LRRC49: variants seen among roughly 807,000 people sequenced by gnomAD.
LRRC49 encodes the protein leucine rich repeat containing 49.
A neutral mutation model predicts 83.3 loss-of-function variants in LRRC49; 50 were observed. The ratio of observed to expected loss-of-function variants is 0.60; its 90% CI spans 0.48 to 0.76. The LOEUF is 0.76. LRRC49 is among the 30% of genes least tolerant of loss of function. The pLI, the probability that LRRC49 is intolerant of heterozygous loss-of-function variation, is 0.00. For synonymous variants in LRRC49, 286 were observed against 283.3 expected, an observed-to-expected ratio of 1.01 and a Z score of -0.10; for missense variants, 704 against 809.1, an observed-to-expected ratio of 0.87 and a Z score of 1.58.
chr15:70,994,455 AT>A (rs1236549915), intron 11 of LRRC49, among the ~76,000 whole-genome samples: 1 of 151,130 alleles, frequency 6.6e-6, no homozygotes, highest in East Asian at 1.9e-4. Flanking sequence ...CTATTCTTCC[AT>A]ATGAGCTTTA....
At chr15:70,880,231 C>T (rs1202677547) in intron 2 of LRRC49, among the ~76,000 whole-genome samples, 1 of 152,168 alleles carries the variant, frequency 6.6e-6, no homozygotes. Flanking sequence ...TAAAACAGCT[C>T]AACAAACCTC....
At chr15:70,897,780 G>T (rs2033898760) in intron 3 of LRRC49, among the ~76,000 whole-genome samples, 1 of 152,166 alleles carries the variant, frequency 6.6e-6, no homozygotes, top group African/African-American at 2.4e-5. Context: ...AACTTGATAT[G>T]TGATTTCTTT....
intron 15 of LRRC49, among the ~76,000 whole-genome samples, chr15:71,040,309 G>A (rs1167107386): frequency 6.6e-6 from 1 of 152,082 alleles, no homozygotes; most frequent in Non-Finnish European, 1.5e-5. Flanking sequence ...TCTAACTAAG[G>A]TGGCCTCTGT....
upstream of LRRC49, among the ~76,000 whole-genome samples, chr15:70,891,587 G>C (rs1053583187): frequency 7.3e-6 from 1 of 137,024 alleles, no homozygotes; most frequent in Non-Finnish European, 1.6e-5. Flanking sequence ...GTGTGTGTGT[G>C]TGTGTGTGTG....
chr15:70,854,022 G>A, intron 1 of LRRC49: 1 of 1,455,142 alleles, frequency 6.9e-7, no homozygotes, highest in Admixed American at 2.4e-5. Context: ...TCGGCCTCCT[G>A]GATGGCGACG....
chr15:70,920,670 T>A (rs2034974056), intron 7 of LRRC49, among the ~76,000 whole-genome samples: 1 of 152,226 alleles, frequency 6.6e-6, no homozygotes, highest in Admixed American at 6.5e-5. Context: ...GAATTTCCCG[T>A]TGAGTATTAT....
At chr15:70,870,745 C>T (rs1004473823) in intron 1 of LRRC49, among the ~76,000 whole-genome samples, 1 of 152,098 alleles carries the variant, frequency 6.6e-6, no homozygotes, top group African/African-American at 2.4e-5. Context: ...CCGCCTAGGC[C>T]GCCCAAAGTG....
rs552837039 is a variant in LRRC49, at chr15:70,970,447, G to T, written c.921+6515G>T. Among the ~76,000 whole-genome samples, 112 of 151,920 alleles carry T rather than the reference G, an allele frequency of 7.4e-4. 1 individual carries two copies. Among genetic ancestry groups the T allele is most frequent in the African/African-American group, 2.6e-3 (109 of 41,480 alleles). On this transcript the variant is annotated intron_variant, in intron 9 of 15. Transcript: ENST00000260382. ...TACTGGCCTGAAATTTTCTTTTTTT[G>T]TTGTTGTTGTGTCTCTGCCAGGATT...
intron 8 of LRRC49, among the ~76,000 whole-genome samples, chr15:70,950,640 T>G (rs996679616): frequency 1.3e-5 from 2 of 152,204 alleles, no homozygotes; most frequent in African/African-American, 4.8e-5. Context: ...TTCAAGTTTT[T>G]TATAAATTCT....
chr15:70,956,916 G>T (rs1205339339), intron 8 of LRRC49, among the ~76,000 whole-genome samples: 2 of 152,190 alleles, frequency 1.3e-5, no homozygotes, highest in Non-Finnish European at 2.9e-5. Context: ...GATAGTACTT[G>T]CTGAGGACTG....
intron 15 of LRRC49, among the ~76,000 whole-genome samples, chr15:71,039,759 T>C (rs1442411554): frequency 1.3e-5 from 2 of 152,192 alleles, no homozygotes; most frequent in African/African-American, 2.4e-5. Flanking sequence ...AATCTAAACA[T>C]GCCAATTTAC....
chr15:70,868,850 TG>T (rs2032966547), intron 1 of LRRC49, among the ~76,000 whole-genome samples: 1 of 152,256 alleles, frequency 6.6e-6, no homozygotes, highest in African/African-American at 2.4e-5. Context: ...CTAATCATTG[TG>T]GGTGGTAGTA....
chr15:71,005,634 G>T (rs537490110), intron 11 of LRRC49, among the ~76,000 whole-genome samples: 62 of 152,226 alleles, frequency 4.1e-4, no homozygotes, highest in African/African-American at 1.3e-3. Context: ...CAATAATTTT[G>T]CTATATCCAG....
At chr15:70,892,995 G>C in intron 1 of LRRC49, 53 bp downstream of exon 1, 7 of 1,594,034 alleles carry the variant, frequency 4.4e-6, no homozygotes, top group Non-Finnish European at 6.0e-6. Context: ...CTTTCTGACT[G>C]GCGTCTTTGT....
intron 2 of LRRC49, chr15:70,882,719 G>A (rs2033295848): frequency 6.2e-7 from 1 of 1,612,666 alleles, no homozygotes; most frequent in African/African-American, 1.3e-5. Flanking sequence ...ATATACGAAA[G>A]ATCAATTCAA....
chr15:70,883,567 TCTTTATA>T (rs1453347508), intron 2 of LRRC49, among the ~76,000 whole-genome samples: 1 of 152,162 alleles, frequency 6.6e-6, no homozygotes, highest in Non-Finnish European at 1.5e-5. Flanking sequence ...AATCATTTGT[TCTTTATA>T]CTTTATAGAA....
At chr15:70,926,680 C>T (rs762977053) in intron 7 of LRRC49, among the ~76,000 whole-genome samples, 48 of 152,016 alleles carry the variant, frequency 3.2e-4, no homozygotes, top group Non-Finnish European at 5.9e-4. Flanking sequence ...CCCCCCACCC[C>T]ACAACAGGCC....
At position 70,980,096 on chromosome 15, in the gene LRRC49, T is replaced by C; in HGVS notation, c.922-5T>C. 1 of 1,597,692 alleles carries C rather than the reference T, an allele frequency of 6.3e-7. No homozygotes were observed. The highest frequency in any genetic ancestry group is 8.5e-7 in the Non-Finnish European group (1 of 1,170,434). ...TCATAATACTTTTCGGAAAATGTCT[T>C]TTAGGAAGAAGAAAGGCGTATGGCA... On this transcript the variant is annotated splice_region_variant and splice_polypyrimidine_tract_variant and intron_variant, in intron 9 of 15. Transcript: ENST00000260382.
chr15:70,998,278 T>C (rs1444901518), intron 11 of LRRC49, among the ~76,000 whole-genome samples: 1 of 152,232 alleles, frequency 6.6e-6, no homozygotes, highest in Non-Finnish European at 1.5e-5. Flanking sequence ...CCTTTCTTGA[T>C]GTTATTTCTT....
Sources: allele counts gnomAD v4.1 joint callset (sites outside exome capture counted in the v4.1 genomes callset), GRCh38; gene constraint gnomAD v4.1.1; transcripts MANE v1.5; gene names NCBI Gene and HGNC (gene_info 2026-07-23, HGNC 2026-07-21).